The following ANKRD30BL variants were observed in gnomAD, a reference collection of about 807,000 sequenced individuals.
The protein encoded by ANKRD30BL is putative ankyrin repeat domain-containing protein 30B-like.
A neutral mutation model predicts 18.4 loss-of-function variants in ANKRD30BL; 20 were observed. That is an observed-to-expected ratio of 1.09 (90% confidence interval 0.77 to 1.58). ANKRD30BL has a LOEUF of 1.58. Among genes scored for constraint, ANKRD30BL ranks in the 40% most tolerant of loss-of-function variants. The pLI is 0.00. For synonymous variants in ANKRD30BL, 72 were observed against 100.9 expected (o/e 0.71, Z 1.72); for missense variants, 224 against 268.6 (o/e 0.83, Z 1.16).
At chr2:132,172,355 C>G (rs150558811) in intron 1 of ANKRD30BL, among the ~76,000 whole-genome samples, 1,648 of 152,240 alleles carry the variant, frequency 0.011, 90 homozygotes, top group Admixed American at 0.08. Flanking sequence ...ACAAGTGTTC[C>G]CATTGACTCT....
chr2:132,234,312 C>A (rs1558730802), intron 1 of ANKRD30BL, among the ~76,000 whole-genome samples: 1 of 151,874 alleles, frequency 6.6e-6, no homozygotes, highest in South Asian at 2.1e-4. Flanking sequence ...CAAAAGCTAG[C>A]AGAAGGCAAG....
rs879296998 is a variant in ANKRD30BL, at chr2:132,169,438, A to T, written n.442-12292T>A. ...CTGAGGTGGGCACATCAGGAGGTCAAGAGATCGAGACCATCATGGCCACCA... is the reference window on the plus strand; with the variant it reads ...CTGAGGTGGGCACATCAGGAGGTCATGAGATCGAGACCATCATGGCCACCA... On this transcript the variant is annotated intron_variant and non_coding_transcript_variant, in intron 1 of 4. Coordinates refer to the ANKRD30BL transcript ENST00000470729. Among the ~76,000 whole-genome samples, 687 of 94,800 alleles carry T rather than the reference A, an allele frequency of 7.2e-3. 5 individuals are homozygous for T. Among genetic ancestry groups the T allele is most frequent in the South Asian group, 0.037 (106 of 2,900 alleles). The allele number at this position is 94,800 out of a possible 152,430, so 62.2% of individuals were successfully genotyped here.
At chr2:132,207,781 T>C (rs1679237876) in intron 1 of ANKRD30BL, among the ~76,000 whole-genome samples, 1 of 152,044 alleles carries the variant, frequency 6.6e-6, no homozygotes, top group South Asian at 2.1e-4. Context: ...AGGAGTAGGA[T>C]GCTGAAAATG....
intron 1 of ANKRD30BL, among the ~76,000 whole-genome samples, chr2:132,218,352 C>T (rs1333231059): frequency 2.0e-5 from 3 of 152,236 alleles, no homozygotes; most frequent in African/African-American, 7.2e-5. Context: ...ATTCAACTCA[C>T]AGAGTTGAAC....
intron 1 of ANKRD30BL, among the ~76,000 whole-genome samples, chr2:132,227,012 G>T (rs576889185): frequency 6.6e-6 from 1 of 152,142 alleles, no homozygotes; most frequent in East Asian, 1.9e-4. Context: ...GTGCTTTGAG[G>T]CCTATGGTGG....
chr2:132,171,692 TTC>T (rs1688283970), intron 1 of ANKRD30BL, among the ~76,000 whole-genome samples: 1 of 152,268 alleles, frequency 6.6e-6, no homozygotes, highest in Non-Finnish European at 1.5e-5. Flanking sequence ...TACGTATTTT[TTC>T]TTTTAATTTT....
intron 1 of ANKRD30BL, among the ~76,000 whole-genome samples, chr2:132,228,927 A>C (rs1277935675): frequency 2.0e-5 from 3 of 151,850 alleles, no homozygotes; most frequent in African/African-American, 4.9e-5. Context: ...CCTATGGTGG[A>C]AAAGGAATTA....
intron 1 of ANKRD30BL, among the ~76,000 whole-genome samples, chr2:132,239,272 A>C (rs905884553): frequency 6.6e-6 from 1 of 152,038 alleles, no homozygotes; most frequent in South Asian, 2.1e-4. Flanking sequence ...GATAGCTTTG[A>C]GGATTTCGTT....
chr2:132,238,773 T>A (rs1680232786), intron 1 of ANKRD30BL, among the ~76,000 whole-genome samples: 1 of 152,094 alleles, frequency 6.6e-6, no homozygotes, highest in Non-Finnish European at 1.5e-5. Context: ...AAGATTTCAT[T>A]GGAAACGGGA....
chr2:132,235,683 A>T (rs1680133975), intron 1 of ANKRD30BL, among the ~76,000 whole-genome samples: 1 of 152,146 alleles, frequency 6.6e-6, no homozygotes, highest in Admixed American at 6.6e-5. Flanking sequence ...CCAAGGAAAT[A>T]AAAGAGGATA....
intron 1 of ANKRD30BL, among the ~76,000 whole-genome samples, chr2:132,229,917 T>C (rs1362420531): frequency 6.6e-6 from 1 of 152,090 alleles, no homozygotes; most frequent in Non-Finnish European, 1.5e-5. Flanking sequence ...TATCTGCAAG[T>C]GGATATTTGG....
At chr2:132,199,511 T>A (rs893644360) in intron 1 of ANKRD30BL, among the ~76,000 whole-genome samples, 5 of 152,066 alleles carry the variant, frequency 3.3e-5, no homozygotes, top group Non-Finnish European at 7.4e-5. Flanking sequence ...TTTTCTTTTT[T>A]TTTTATTTTT....
intron 1 of ANKRD30BL, among the ~76,000 whole-genome samples, chr2:132,252,569 G>A (rs952073677): frequency 2.0e-5 from 3 of 152,058 alleles, no homozygotes; most frequent in African/African-American, 4.8e-5. Flanking sequence ...GGGCGAGGAG[G>A]ACGGTGCCTC....
At chr2:132,184,529 A>C (rs1231084828) in intron 1 of ANKRD30BL, among the ~76,000 whole-genome samples, 1 of 152,352 alleles carries the variant, frequency 6.6e-6, no homozygotes, top group East Asian at 1.9e-4. Context: ...TAATATCAAC[A>C]AGAAAACAGT....
intron 1 of ANKRD30BL, among the ~76,000 whole-genome samples, chr2:132,224,107 G>A (rs1160919104): frequency 6.6e-6 from 1 of 152,038 alleles, no homozygotes; most frequent in East Asian, 1.9e-4. Context: ...GTGCTGTTTT[G>A]AGGCCTTCGT....
chr2:132,175,314 A>G (rs546769601), intron 1 of ANKRD30BL, among the ~76,000 whole-genome samples: 12 of 152,132 alleles, frequency 7.9e-5, no homozygotes, highest in African/African-American at 1.7e-4. Flanking sequence ...AATTAAGTTC[A>G]AGGGGAGGTA....
intron 1 of ANKRD30BL, among the ~76,000 whole-genome samples, chr2:132,234,402 G>T (rs1160818324): frequency 6.6e-6 from 1 of 151,896 alleles, no homozygotes; most frequent in African/African-American, 2.4e-5. Flanking sequence ...CCAGGAGCTG[G>T]TTTTTTGAAA....
chr2:132,229,045 C>CT (rs1679928933), intron 1 of ANKRD30BL, among the ~76,000 whole-genome samples: 1 of 151,916 alleles, frequency 6.6e-6, no homozygotes. Flanking sequence ...TTAAAGCTCC[C>CT]TTTTTGTATA....
intron 1 of ANKRD30BL, among the ~76,000 whole-genome samples, chr2:132,201,449 GA>G (rs1282331346): frequency 6.6e-6 from 1 of 151,410 alleles, no homozygotes; most frequent in Non-Finnish European, 1.5e-5. Flanking sequence ...AAATTTACAA[GA>G]AAAAAACAAC....
Sources: gnomAD v4.1 joint callset for allele counts (sites outside exome capture counted in the v4.1 genomes callset) on GRCh38, gnomAD v4.1.1 for gene constraint, MANE v1.5 for transcripts, NCBI Gene and HGNC (gene_info 2026-07-23, HGNC 2026-07-21) for gene names.